INTS10: variants seen among roughly 807,000 people sequenced by gnomAD.
INTS10 encodes the protein integrator complex subunit 10.
INTS10 carries 44 observed loss-of-function variants against 94.4 expected under a neutral mutation model. The ratio of observed to expected loss-of-function variants is 0.47; its 90% CI spans 0.37 to 0.60. INTS10 has a LOEUF of 0.60. Among genes scored for constraint, INTS10 ranks in the 20% least tolerant of loss-of-function variants. The pLI is 0.00. For missense variants in INTS10, 797 were observed against 868.7 expected (o/e 0.92, Z 1.04); for synonymous variants, 341 against 320.7 (o/e 1.06, Z -0.68).
rs1313663648 is a variant in INTS10, at chr8:19,843,362, G to T, written c.1719+435G>T. On this transcript the variant is annotated intron_variant, in intron 14 of 16. Coordinates refer to ENST00000397977, the MANE Select transcript of INTS10 (RefSeq NM_018142.4). The surrounding 1 kb of genome is among the most constrained non-coding windows in gnomAD (Gnocchi z 4.7). ...ACAGCCCAACAGTTGGGAAAGTTCC[G>T]GGACTTGAAAGAACGCCAAGGCCCT... 6.6e-6 allele frequency among the ~76,000 whole-genome samples: 1 copy of T among 152,112 alleles called. No individual in the cohort carries two copies. The highest frequency in any genetic ancestry group is 6.5e-5 in the Admixed American group (1 of 15,272).
intron 13 of INTS10, among the ~76,000 whole-genome samples, chr8:19,838,120 C>T (rs995748014): frequency 1.3e-5 from 2 of 152,128 alleles, no homozygotes; most frequent in Non-Finnish European, 2.9e-5. Context: ...TTTTGGGAAG[C>T]CAAGGATGGC....
chr8:19,823,374 G>A lies in INTS10; in HGVS notation c.597G>A (p.Leu199=). The stretch of plus-strand genomic sequence containing the variant: ...CTGCCAATTTATTGTATAAGTACTT[G>A]AACAAAGCAGCTGAATTTTATATCA... ...RLPANLLYKY[L]NKAAEFYINY... The change falls in exon 6 of 17, where the codon TTG becomes TTA. Residue 199 remains leucine, a synonymous_variant. Transcript: ENST00000397977. 1.2e-6 allele frequency: 2 copies of A among 1,604,632 alleles called. No individual in the cohort carries two copies. Among genetic ancestry groups the A allele is most frequent in the Non-Finnish European group, 1.7e-6 (2 of 1,171,478 alleles).
Position 19,844,205 on chromosome 8 carries a change from T to G in INTS10, c.1849T>G (p.Phe617Val), listed in dbSNP as rs781709503. 1.9e-6 allele frequency: 3 copies of G among 1,613,120 alleles called. No homozygotes were observed. The highest frequency in any genetic ancestry group is 1.1e-5 in the South Asian group (1 of 91,044). The change falls in exon 15 of 17, where the codon TTC (phenylalanine) becomes GTC (valine). Residue 617 changes from phenylalanine to valine, a missense_variant. Transcript: ENST00000397977. Reference protein sequence around the residue: ...AVNKICQQGNFQYENFFNYVT... With the variant: ...AVNKICQQGNVQYENFFNYVT... ...CAATAAAATTTGCCAACAAGGAAAT[T>G]TCCAATATGAGAATTTTTTCAATTA...
rs2066531193 is a variant in INTS10 at position 19,823,281 on chromosome 8, T to G, written c.524-20T>G. Reference sequence around the variant, plus strand: ...GTAGACAACCTAATTAATTTATTTCTTCTTTTTCTCCTCCAACAGTTTGTG... The same window carrying G: ...GTAGACAACCTAATTAATTTATTTCGTCTTTTTCTCCTCCAACAGTTTGTG... On this transcript the variant is annotated intron_variant, in intron 5 of 16. Transcript: ENST00000397977. 6.9e-6 allele frequency: 11 copies of G among 1,591,262 alleles called. No homozygotes were observed. The South Asian group carries it at 1.1e-4, about 16-fold the overall frequency.
chr8:19,851,549 C>T lies in INTS10; in HGVS notation c.1977-100C>T. 9.9e-7 allele frequency: 1 copy of T among 1,012,590 alleles called. No homozygotes were observed. The highest frequency in any genetic ancestry group is 1.5e-6 in the Non-Finnish European group (1 of 666,078). 62.7% of individuals were successfully genotyped at this position (1,012,590 alleles called of 1,614,324 possible). ...TCTTTTTAAAATATCTGAAATTATA[C>T]TTAGATATGGGGCAGGCTTTATTCC... On this transcript the variant is annotated intron_variant, in intron 16 of 16. Coordinates refer to ENST00000397977, the MANE Select transcript of INTS10 (RefSeq NM_018142.4). The surrounding 1 kb of genome is among the most constrained non-coding windows in gnomAD (Gnocchi z 5.0).
intron 6 of INTS10, 37 bp downstream of exon 6, chr8:19,823,478 C>T (rs781335542): frequency 7.1e-7 from 1 of 1,403,662 alleles, no homozygotes; most frequent in East Asian, 2.3e-5. Context: ...CTTAAATAGG[C>T]TTTAGTAATA....
intron 2 of INTS10, 141 bp downstream of exon 2, chr8:19,818,483 C>T: frequency 2.8e-6 from 2 of 720,088 alleles, no homozygotes; most frequent in Non-Finnish European, 4.8e-6. Flanking sequence ...AGTAAGGAGT[C>T]CAGGCCTGCC....
chr8:19,833,002 A>C (rs992886400), intron 11 of INTS10, among the ~76,000 whole-genome samples, 167 bp from the exon 12 acceptor site: 4 of 152,128 alleles, frequency 2.6e-5, no homozygotes, highest in Admixed American at 6.5e-5. Context: ...AATTAAGTTG[A>C]TTTGATTCTA....
chr8:19,851,869 T>A lies in INTS10; in HGVS notation c.*64T>A. The A allele has an allele frequency of 7.0e-7, 1 of 1,426,482 alleles. No individual in the cohort carries two copies. Among genetic ancestry groups the A allele is most frequent in the Non-Finnish European group, 9.8e-7 (1 of 1,015,286 alleles). The allele number at this position is 1,426,482 out of a possible 1,614,324, so 88.4% of individuals were successfully genotyped here. The stretch of plus-strand genomic sequence containing the variant: ...AATTGTAGGAGAAGACACTCAGCAG[T>A]GATTGCCATGGCACAGAGCCGTGGT... On this transcript the variant is annotated 3_prime_UTR_variant, in exon 17 of 17. Coordinates refer to ENST00000397977, the MANE Select transcript of INTS10 (RefSeq NM_018142.4). This position sits in a 1 kb window ranked among gnomAD's most constrained non-coding sequence, Gnocchi z 5.0.
chr8:19,824,549 C>A, intron 7 of INTS10: 1 of 373,236 alleles, frequency 2.7e-6, no homozygotes, highest in Non-Finnish European at 4.7e-6. Context: ...ACTCTTAAGA[C>A]GATGTTGTGT....
At chr8:19,837,224 C>G (rs1412576511) in intron 13 of INTS10, 64 bp downstream of exon 13, 1 of 1,029,692 alleles carries the variant, frequency 9.7e-7, no homozygotes, top group Non-Finnish European at 1.5e-6. Context: ...CACGGTGGCT[C>G]ACACTTGTAA....
intron 12 of INTS10, among the ~76,000 whole-genome samples, chr8:19,833,789 C>T (rs1380504893): frequency 6.6e-6 from 1 of 152,044 alleles, no homozygotes; most frequent in Admixed American, 6.6e-5. Flanking sequence ...CAGCACATCA[C>T]CTGAGGTCAG....
At chr8:19,820,934 T>C (rs2066320999) in intron 4 of INTS10, 1 of 154,236 alleles carries the variant, frequency 6.5e-6, no homozygotes, top group South Asian at 2.1e-4. Context: ...CGAGTGCTAT[T>C]GGCAGGCATG....
At chr8:19,821,729 A>T (rs1179192608) in intron 4 of INTS10, 1 of 152,180 alleles carries the variant, frequency 6.6e-6, no homozygotes, top group Non-Finnish European at 1.5e-5. Context: ...CTATGAGGTC[A>T]CATTCTGAGG....
Position 19,849,322 on chromosome 8 carries a change from C to T in INTS10, c.1977-2327C>T. The T allele has an allele frequency of 3.7e-6, 2 of 545,380 alleles. No homozygotes were observed. The highest frequency in any genetic ancestry group is 5.9e-6 in the Non-Finnish European group (2 of 341,396). The allele number at this position is 545,380 out of a possible 1,614,324, so 33.8% of individuals were successfully genotyped here. ...CCATGGTTCTCAGCTCTTCGTTCCT[C>T]AGTGCTCTTTTTCATGCTTTCTTTC... On this transcript the variant is annotated intron_variant, in intron 16 of 16. Coordinates refer to ENST00000397977, the MANE Select transcript of INTS10 (RefSeq NM_018142.4). This position sits in a 1 kb window ranked among gnomAD's most constrained non-coding sequence, Gnocchi z 4.6.
In INTS10 at chr8:19,827,169, C is replaced by T. The variant is rs576005269; in HGVS notation, c.1140+610C>T. Among the ~76,000 whole-genome samples the T allele has an allele frequency of 4.6e-5, 7 of 152,284 alleles. No individual in the cohort carries two copies. The East Asian group carries it at 1.4e-3, about 29-fold the overall frequency. On this transcript the variant is annotated intron_variant, in intron 9 of 16. Transcript: ENST00000397977. ...CAAGAAGCCCGAGAATGTGAAGAAT[C>T]GTCAGTCCTCTAACCTGACCAGGCA...
chr8:19,825,414 T>G (rs1437499623), intron 8 of INTS10, among the ~76,000 whole-genome samples: 1 of 151,678 alleles, frequency 6.6e-6, no homozygotes, highest in African/African-American at 2.4e-5. Context: ...TAATCCCAGC[T>G]ACTTGGGAAC....
chr8:19,842,166 A>G (rs1563444268), intron 13 of INTS10, among the ~76,000 whole-genome samples: 1 of 152,242 alleles, frequency 6.6e-6, no homozygotes, highest in Non-Finnish European at 1.5e-5. Flanking sequence ...AAAATTGGAA[A>G]TGTCAATATC....
intron 13 of INTS10, among the ~76,000 whole-genome samples, chr8:19,841,262 A>C (rs1378399537): frequency 6.6e-6 from 1 of 152,192 alleles, no homozygotes; most frequent in East Asian, 1.9e-4. Flanking sequence ...TGACAGCAAA[A>C]ACTCCAAAAC....
Sources: gnomAD v4.1 joint callset for allele counts (sites outside exome capture counted in the v4.1 genomes callset) on GRCh38, gnomAD v4.1.1 for gene constraint, Gnocchi (gnomAD v3.1) non-coding constraint, MANE v1.5 for transcripts, NCBI Gene and HGNC (gene_info 2026-07-23, HGNC 2026-07-21) for gene names.